UBQLN1: variants seen among roughly 807,000 people sequenced by gnomAD.
UBQLN1 encodes the protein ubiquilin 1.
Under a neutral mutation model 65.4 loss-of-function variants are expected in UBQLN1, and 13 were observed. That is an observed-to-expected ratio of 0.20 (90% confidence interval 0.13 to 0.32). The LOEUF is 0.32. Among genes scored for constraint, UBQLN1 ranks in the 10% least tolerant of loss-of-function variants. The probability of loss-of-function intolerance (pLI) is 1.00; values close to 1 mark genes in which losing one functional copy is unlikely to be tolerated. For synonymous variants in UBQLN1, 267 were observed against 247.8 expected (o/e 1.08, Z -0.73); for missense variants, 561 against 724.0 (o/e 0.77, Z 2.58).
chr9:83,707,111 G>A (rs537536063), intron 1 of UBQLN1, among the ~76,000 whole-genome samples: 57 of 152,128 alleles, frequency 3.7e-4, no homozygotes, highest in African/African-American at 1.3e-3. Flanking sequence ...ACCGCAGCCT[G>A]AGCTAAAGCG....
rs762859045 is a variant in UBQLN1 at position 83,682,973 on chromosome 9, A to G, written c.426T>C (p.Ala142=). The G allele has an allele frequency of 2.5e-6, 4 of 1,611,468 alleles. No homozygotes were observed. In the South Asian group the frequency reaches 4.4e-5, roughly 18 times the overall value. The change falls in exon 3 of 11, where the codon GCT becomes GCC. Residue 142 remains alanine, a synonymous_variant. Coordinates refer to ENST00000376395, the MANE Select transcript of UBQLN1 (RefSeq NM_013438.5). ...TACCTAAACCAAAAGGGTTGCTAGT[A>G]GCAGAACCAGATGTAGAGTTACTAT... is the stretch of plus-strand genomic sequence containing the variant. The part of the protein sequence containing the change: ...TPNSNSTSGS[A]TSNPFGLGGL...
At position 83,661,589 on chromosome 9, in the gene UBQLN1, T is replaced by TTA. The variant is rs1305609600; in HGVS notation, c.*196_*197dup. 4.5e-4 allele frequency: 227 copies of TTA among 505,562 alleles called. 6 individuals carry two copies. In the East Asian group the frequency reaches 7.1e-3, roughly 16 times the overall value. The allele number at this position is 505,562 out of a possible 1,614,324, so 31.3% of individuals were successfully genotyped here. ...TGCAGAAGTGATGCATGCAGTAGCC[T>TTA]TAATTCCCACTGTTCCAGAAAAGAA... On this transcript the variant is annotated 3_prime_UTR_variant, in exon 11 of 11. Coordinates refer to ENST00000376395, the MANE Select transcript of UBQLN1 (RefSeq NM_013438.5).
intron 6 of UBQLN1, 137 bp downstream of exon 6, chr9:83,677,590 G>C: frequency 1.6e-6 from 1 of 611,580 alleles, no homozygotes; most frequent in Non-Finnish European, 2.6e-6. Context: ...CAAAACAAAA[G>C]CAACATGAAA....
intron 1 of UBQLN1, among the ~76,000 whole-genome samples, chr9:83,706,562 C>A (rs4242623): frequency 0.7 from 106,596 of 152,134 alleles, 38,135 homozygotes; most frequent in East Asian, 0.88. Flanking sequence ...TTCCTGTCAC[C>A]AACTGTTCAC....
chr9:83,668,461 A>G (rs1831677625), intron 7 of UBQLN1: 7 of 985,250 alleles, frequency 7.1e-6, no homozygotes, highest in African/African-American at 1.7e-5. Flanking sequence ...GCCCTGTGGT[A>G]TGGAACCTAG....
chr9:83,696,790 G>C (rs1257663794), intron 1 of UBQLN1, among the ~76,000 whole-genome samples: 1 of 152,138 alleles, frequency 6.6e-6, no homozygotes, highest in Non-Finnish European at 1.5e-5. Flanking sequence ...AAGCAAAACA[G>C]TCCCTGCCCC....
At chr9:83,698,905 C>A (rs1469974976) in intron 1 of UBQLN1, among the ~76,000 whole-genome samples, 4 of 144,786 alleles carry the variant, frequency 2.8e-5, no homozygotes, top group African/African-American at 8.0e-5. Flanking sequence ...CAAAGTGAGA[C>A]CTGTCTCAAA....
rs560510362 is a variant in UBQLN1, at chr9:83,689,861, A to G, written c.181-3706T>C. Among the ~76,000 whole-genome samples, 4 of 152,364 alleles carry G rather than the reference A, an allele frequency of 2.6e-5. No individual in the cohort carries two copies. In the South Asian group the frequency reaches 8.3e-4, roughly 32 times the overall value. Reference sequence around the variant, plus strand: ...CAACCCAATTGAAAAATGGCCAAGAAATTGAAACAGGAATTTCACAAAAAT... The same window carrying G: ...CAACCCAATTGAAAAATGGCCAAGAGATTGAAACAGGAATTTCACAAAAAT... On this transcript the variant is annotated intron_variant, in intron 1 of 10. Coordinates refer to ENST00000376395, the MANE Select transcript of UBQLN1 (RefSeq NM_013438.5).
chr9:83,668,983 A>C (rs1831686862), intron 7 of UBQLN1: 1 of 532,632 alleles, frequency 1.9e-6, no homozygotes, highest in Non-Finnish European at 3.0e-6. Context: ...TGAATGGCAG[A>C]GATAAAGTTG....
rs1831558819 is a variant in UBQLN1, at chr9:83,661,378, A to T, written c.*409T>A. 6.1e-6 allele frequency: 1 copy of T among 164,802 alleles called. No individual in the cohort carries two copies. The highest frequency in any genetic ancestry group is 2.4e-5 in the African/African-American group (1 of 41,540). 10.2% of individuals were successfully genotyped at this position (164,802 alleles called of 1,614,324 possible). On this transcript the variant is annotated 3_prime_UTR_variant, in exon 11 of 11. Transcript: ENST00000376395. ...CATTGTTTGCAAAAATGCATGCCAAAGTCACAATAAGCAATACTGTACCAC... is the reference window on the plus strand; with the variant it reads ...CATTGTTTGCAAAAATGCATGCCAATGTCACAATAAGCAATACTGTACCAC...
At chr9:83,669,689 GAATT>G (rs1367706310) in intron 6 of UBQLN1, among the ~76,000 whole-genome samples, 2 of 152,148 alleles carry the variant, frequency 1.3e-5, no homozygotes, top group African/African-American at 4.8e-5. Context: ...AGACTGCAAA[GAATT>G]AATTAGAATC....
At chr9:83,691,384 A>G (rs927298044) in intron 1 of UBQLN1, among the ~76,000 whole-genome samples, 1 of 152,166 alleles carries the variant, frequency 6.6e-6, no homozygotes, top group Non-Finnish European at 1.5e-5. Flanking sequence ...CCTGATATCC[A>G]AAACAGCTGT....
chr9:83,684,391 C>T (rs1340336412), intron 2 of UBQLN1, among the ~76,000 whole-genome samples: 1 of 151,924 alleles, frequency 6.6e-6, no homozygotes. Context: ...GACAGCGTTT[C>T]ACCATGTTTA....
At chr9:83,700,162 C>G (rs1195786804) in intron 1 of UBQLN1, among the ~76,000 whole-genome samples, 1 of 152,170 alleles carries the variant, frequency 6.6e-6, no homozygotes, top group Non-Finnish European at 1.5e-5. Context: ...ATATCACTTT[C>G]TGTGCTCTGT....
intron 1 of UBQLN1, among the ~76,000 whole-genome samples, chr9:83,700,675 T>C (rs1832295342): frequency 6.6e-6 from 1 of 152,070 alleles, no homozygotes; most frequent in African/African-American, 2.4e-5. Context: ...GGGCAAAGAG[T>C]GTTCTTGCAT....
In UBQLN1 at chr9:83,661,590, T is replaced by C. The variant is rs1831561790; in HGVS notation, c.*197A>G. The C allele has an allele frequency of 2.0e-6, 1 of 505,938 alleles. No individual in the cohort carries two copies. The highest frequency in any genetic ancestry group is 3.7e-5 in the Admixed American group (1 of 26,882). 31.3% of individuals were successfully genotyped at this position (505,938 alleles called of 1,614,324 possible). On this transcript the variant is annotated 3_prime_UTR_variant, in exon 11 of 11. Coordinates refer to ENST00000376395, the MANE Select transcript of UBQLN1 (RefSeq NM_013438.5). ...GCAGAAGTGATGCATGCAGTAGCCT[T>C]AATTCCCACTGTTCCAGAAAAGAAA...
At chr9:83,700,492 C>CTTTA (rs1231069755) in intron 1 of UBQLN1, among the ~76,000 whole-genome samples, 1 of 152,210 alleles carries the variant, frequency 6.6e-6, no homozygotes. Flanking sequence ...CAGCCCCTCT[C>CTTTA]TAAAGAGAAG....
chr9:83,691,040 A>G (rs1564170015), intron 1 of UBQLN1, among the ~76,000 whole-genome samples: 1 of 152,056 alleles, frequency 6.6e-6, no homozygotes, highest in Non-Finnish European at 1.5e-5. Context: ...CGGGAGGCTA[A>G]GGCACGAGAA....
At chr9:83,664,738 A>C (rs757531706) in intron 9 of UBQLN1, among the ~76,000 whole-genome samples, 2 of 151,734 alleles carry the variant, frequency 1.3e-5, no homozygotes, top group African/African-American at 4.8e-5. Flanking sequence ...CCATCTCTAA[A>C]AACAGTAACA....
Sources: gnomAD v4.1 joint callset for allele counts (sites outside exome capture counted in the v4.1 genomes callset) on GRCh38, gnomAD v4.1.1 for gene constraint, MANE v1.5 for transcripts, NCBI Gene and HGNC (gene_info 2026-07-23, HGNC 2026-07-21) for gene names.